CHST9: variants seen among roughly 807,000 people sequenced by gnomAD.
CHST9 encodes the protein carbohydrate sulfotransferase 9.
Under a neutral mutation model 44.4 loss-of-function variants are expected in CHST9, and 41 were observed. That is an observed-to-expected ratio of 0.92 (90% CI 0.72 to 1.20). CHST9 has a LOEUF of 1.20. CHST9 is among the 50% of genes most tolerant of loss of function. The probability of loss-of-function intolerance (pLI) is 0.00; values close to 1 mark genes in which losing one functional copy is unlikely to be tolerated. For synonymous variants in CHST9, 171 were observed against 178.4 expected, an observed-to-expected ratio of 0.96 and a Z score of 0.33; for missense variants, 504 against 516.5, an observed-to-expected ratio of 0.98 and a Z score of 0.23.
chr18:26,966,589 T>C (rs982210301), intron 4 of CHST9, among the ~76,000 whole-genome samples: 2 of 152,110 alleles, frequency 1.3e-5, no homozygotes, highest in African/African-American at 4.8e-5. Flanking sequence ...ACACACACGT[T>C]CATGTGTGCA....
chr18:27,139,747 C>A (rs1468411713), intron 2 of CHST9, among the ~76,000 whole-genome samples: 1 of 152,102 alleles, frequency 6.6e-6, no homozygotes, highest in African/African-American at 2.4e-5. Flanking sequence ...GAAAGCACTT[C>A]TATCAAAATT....
intron 2 of CHST9, among the ~76,000 whole-genome samples, chr18:27,072,501 G>T (rs2057851671): frequency 6.6e-6 from 1 of 152,056 alleles, no homozygotes; most frequent in African/African-American, 2.4e-5. Context: ...GTTAGTAGGG[G>T]ACATAGGATG....
Position 27,028,794 on chromosome 18 carries a change from C to G in CHST9, c.161-4637G>C, listed in dbSNP as rs189227701. ...CAATCTCCTGACCTCGTGATCCGCC[C>G]GTCTCAGCCTCCCAAAGTGCTGGGA... On this transcript the variant is annotated intron_variant, in intron 3 of 5. Coordinates refer to ENST00000618847, the MANE Select transcript of CHST9 (RefSeq NM_031422.6). 2.2e-4 allele frequency among the ~76,000 whole-genome samples: 34 copies of G among 151,928 alleles called. No individual in the cohort carries two copies. The East Asian group carries it at 6.0e-3, about 27-fold the overall frequency.
At chr18:27,000,900 C>T (rs575483820) in intron 4 of CHST9, among the ~76,000 whole-genome samples, 10 of 151,044 alleles carry the variant, frequency 6.6e-5, no homozygotes, top group Admixed American at 3.9e-4. Context: ...TTCACCCCCC[C>T]ATCTCTGAAT....
intron 4 of CHST9, among the ~76,000 whole-genome samples, chr18:26,987,237 T>A (rs1244039449): frequency 6.6e-6 from 1 of 152,194 alleles, no homozygotes; most frequent in Non-Finnish European, 1.5e-5. Flanking sequence ...AGTAGTTATA[T>A]AACCAAGACA....
intron 4 of CHST9, among the ~76,000 whole-genome samples, chr18:27,019,088 T>G (rs2057189152): frequency 6.6e-6 from 1 of 152,212 alleles, no homozygotes; most frequent in South Asian, 2.1e-4. Context: ...CTCCGCAATC[T>G]GCAGTGCTTG....
At chr18:27,053,138 A>AAGAAGAAGAAGAAGAAGAAGG (rs1811838877) in intron 2 of CHST9, among the ~76,000 whole-genome samples, 3 of 109,368 alleles carry the variant, frequency 2.7e-5, no homozygotes, top group African/African-American at 1.1e-4. Flanking sequence ...GAGGAAGAAG[A>AAGAAGAAGAAGAAGAAGAAGG]AGAAGAAGAA....
chr18:26,985,929 C>A (rs991343878), intron 4 of CHST9, among the ~76,000 whole-genome samples: 2 of 152,268 alleles, frequency 1.3e-5, no homozygotes, highest in East Asian at 3.9e-4. Context: ...TGTTTTAGAT[C>A]CATCTAAATC....
intron 2 of CHST9, among the ~76,000 whole-genome samples, chr18:27,066,084 T>A (rs2057779116): frequency 6.6e-6 from 1 of 152,242 alleles, no homozygotes; most frequent in Non-Finnish European, 1.5e-5. Flanking sequence ...ACAGTCCATT[T>A]ATTTGGATCT....
intron 1 of CHST9, among the ~76,000 whole-genome samples, chr18:27,165,876 G>A (rs2058786015): frequency 1.3e-5 from 2 of 152,086 alleles, no homozygotes; most frequent in South Asian, 4.2e-4. Context: ...TTACAAAAGT[G>A]GACATCCACA....
At chr18:27,047,079 T>A (rs2057510290) in intron 3 of CHST9, among the ~76,000 whole-genome samples, 1 of 151,848 alleles carries the variant, frequency 6.6e-6, no homozygotes, top group Non-Finnish European at 1.5e-5. Context: ...CAGGAAAGGG[T>A]AGGGAGTGGA....
At chr18:27,044,447 A>G (rs938711131) in intron 3 of CHST9, among the ~76,000 whole-genome samples, 22 of 152,100 alleles carry the variant, frequency 1.4e-4, no homozygotes, top group African/African-American at 4.6e-4. Flanking sequence ...TTAGGATGAT[A>G]AGCATTTTAA....
chr18:26,927,886 C>A (rs1286204237), intron 5 of CHST9, among the ~76,000 whole-genome samples: 1 of 152,186 alleles, frequency 6.6e-6, no homozygotes, highest in East Asian at 1.9e-4. Flanking sequence ...CAGACTATCA[C>A]ATGGGGAGAA....
chr18:27,173,971 C>G (rs1369030417), intron 1 of CHST9, among the ~76,000 whole-genome samples: 1 of 151,868 alleles, frequency 6.6e-6, no homozygotes, highest in Admixed American at 6.6e-5. Context: ...TTTGCTGAAC[C>G]ATTTGAAAGT....
At chr18:26,958,547 C>T (rs887908817) in intron 4 of CHST9, among the ~76,000 whole-genome samples, 1 of 151,474 alleles carries the variant, frequency 6.6e-6, no homozygotes, top group South Asian at 2.1e-4. Context: ...AAGCAGATGA[C>T]CTACAGAACA....
intron 1 of CHST9, among the ~76,000 whole-genome samples, chr18:27,153,546 C>CTCTGTGTGTGTG (rs1555628608): frequency 3.6e-5 from 5 of 138,612 alleles, no homozygotes; most frequent in African/African-American, 1.1e-4. Flanking sequence ...CTCTCTCTCT[C>CTCTGTGTGTGTG]TGTGTGTGTG....
intron 3 of CHST9, among the ~76,000 whole-genome samples, chr18:27,046,544 A>G (rs143183595): frequency 6.6e-6 from 1 of 151,602 alleles, no homozygotes; most frequent in Non-Finnish European, 1.5e-5. Context: ...ATGAACTAAG[A>G]TGTAAAAAAT....
intron 4 of CHST9, among the ~76,000 whole-genome samples, chr18:26,947,259 G>A (rs2056178279): frequency 6.6e-6 from 1 of 152,084 alleles, no homozygotes. Flanking sequence ...GTATGCCTAG[G>A]TATTTTATTC....
intron 4 of CHST9, among the ~76,000 whole-genome samples, chr18:26,977,071 C>CA (rs2056632340): frequency 6.6e-6 from 1 of 152,098 alleles, no homozygotes; most frequent in African/African-American, 2.4e-5. Flanking sequence ...ATGCAAAATT[C>CA]ATGGAGTCAT....
Sources: allele counts gnomAD v4.1 joint callset (sites outside exome capture counted in the v4.1 genomes callset), GRCh38; gene constraint gnomAD v4.1.1; transcripts MANE v1.5; gene names NCBI Gene and HGNC (gene_info 2026-07-23, HGNC 2026-07-21).